The following VPS35L variants were observed in gnomAD, a reference collection of about 807,000 sequenced individuals.
The protein encoded by VPS35L is VPS35 endosomal protein sorting factor like.
A neutral mutation model predicts 133.0 loss-of-function variants in VPS35L; 83 were observed. The observed-to-expected ratio is 0.62, with a 90% CI of 0.52 to 0.75. The LOEUF (loss-of-function observed/expected upper bound fraction) is 0.75, where lower values mean the gene tolerates loss of function less well. Ranked by LOEUF, VPS35L falls within the 30% of genes least tolerant of loss-of-function variation. VPS35L has a pLI of 0.00. For synonymous variants in VPS35L, 423 were observed against 449.9 expected (o/e 0.94, Z 0.76); for missense variants, 1,083 against 1,206.8 (o/e 0.90, Z 1.52).
chr16:19,621,947 G>C (rs1441352431), intron 14 of VPS35L, among the ~76,000 whole-genome samples: 2 of 151,982 alleles, frequency 1.3e-5, no homozygotes, highest in African/African-American at 4.8e-5. Flanking sequence ...TGGTGGGCCA[G>C]GAGGTCTCAT....
At chr16:19,589,666 A>G (rs543718068) in intron 7 of VPS35L, among the ~76,000 whole-genome samples, 1 of 152,220 alleles carries the variant, frequency 6.6e-6, no homozygotes, top group African/African-American at 2.4e-5. Flanking sequence ...AGTAACTTCA[A>G]TTTATAAGAT....
At chr16:19,697,341 C>T (rs988688747) in intron 29 of VPS35L, among the ~76,000 whole-genome samples, 2 of 152,072 alleles carry the variant, frequency 1.3e-5, no homozygotes, top group Admixed American at 6.6e-5. Context: ...GAAGCTGTTC[C>T]TTGACTTTTT....
intron 27 of VPS35L, among the ~76,000 whole-genome samples, chr16:19,679,609 A>G (rs1184201148): frequency 6.6e-6 from 1 of 150,526 alleles, no homozygotes; most frequent in Non-Finnish European, 1.5e-5. Context: ...GGTTCAAGCA[A>G]TTCTCCTGCC....
At chr16:19,618,356 A>T (rs1369274999) in intron 14 of VPS35L, among the ~76,000 whole-genome samples, 1 of 152,198 alleles carries the variant, frequency 6.6e-6, no homozygotes, top group Non-Finnish European at 1.5e-5. Context: ...ACACACAGAG[A>T]TGCACACACG....
intron 1 of VPS35L, among the ~76,000 whole-genome samples, chr16:19,559,180 A>T (rs911240558): frequency 6.6e-6 from 1 of 152,236 alleles, no homozygotes; most frequent in Middle Eastern, 3.2e-3. Flanking sequence ...TATCCATATT[A>T]TCAGAGGTAA....
Position 19,696,460 on chromosome 16 carries a change from A to T in VPS35L, c.2647-3042A>T, listed in dbSNP as rs1975914930. On this transcript the variant is annotated intron_variant, in intron 29 of 30. Coordinates refer to ENST00000417362, the MANE Select transcript of VPS35L (RefSeq NM_020314.7). ...CACGTGAAGGTGCCAGCCTCATTTT[A>T]ATCACAAGCTGTATTTTATGAAGTT... Among the ~76,000 whole-genome samples, 8 of 152,280 alleles carry T rather than the reference A, an allele frequency of 5.3e-5. No homozygotes were observed. The South Asian group carries it at 1.5e-3, about 28-fold the overall frequency.
chr16:19,579,167 C>T, intron 6 of VPS35L, 39 bp downstream of exon 6: 1 of 1,579,390 alleles, frequency 6.3e-7, no homozygotes, highest in Non-Finnish European at 8.7e-7. Flanking sequence ...AGTGGGAGAG[C>T]TTTTCCTTCC....
intron 2 of VPS35L, 22 bp from the exon 3 acceptor site, chr16:19,569,402 C>T (rs751276255): frequency 2.5e-6 from 4 of 1,592,970 alleles, no homozygotes; most frequent in Non-Finnish European, 3.4e-6. Flanking sequence ...TTCCGTTTTA[C>T]CTCCAGAAAT....
intron 29 of VPS35L, chr16:19,693,916 T>A (rs1597445820): frequency 7.7e-6 from 1 of 129,408 alleles, no homozygotes; most frequent in Admixed American, 9.6e-5. Context: ...GCCACTGCAC[T>A]CCAGCCTAGG....
intron 1 of VPS35L, among the ~76,000 whole-genome samples, chr16:19,558,045 G>A (rs1970916464): frequency 6.6e-6 from 1 of 151,922 alleles, no homozygotes. Flanking sequence ...ACTCCAGCCT[G>A]AGCTACTAAG....
chr16:19,616,179 T>TA lies in VPS35L; in HGVS notation c.1090dup (p.Thr364AsnfsTer56), dbSNP rs1272450838. ...ATAAGAACTTTTTTGACTTCCTCCT[T>TA]ACGTTCAAACAGGTAAGAGAACACT... is the stretch of plus-strand genomic sequence containing the variant. On this transcript the variant is annotated frameshift_variant, in exon 13 of 31. Transcript: ENST00000417362. LOFTEE classifies it high-confidence loss of function. 2 of 1,611,096 alleles carry TA rather than the reference T, an allele frequency of 1.2e-6. No homozygotes were observed. The highest frequency in any genetic ancestry group is 1.7e-6 in the Non-Finnish European group (2 of 1,177,628).
intron 1 of VPS35L, among the ~76,000 whole-genome samples, chr16:19,562,699 C>T (rs1971064223): frequency 1.3e-5 from 2 of 152,060 alleles, no homozygotes; most frequent in South Asian, 2.1e-4. Context: ...AATGTAAAGA[C>T]AATCATTTAA....
chr16:19,634,628 G>C (rs1251009940), intron 19 of VPS35L, among the ~76,000 whole-genome samples: 3 of 152,292 alleles, frequency 2.0e-5, no homozygotes, highest in South Asian at 2.1e-4. Flanking sequence ...AAATGTGAAA[G>C]AAATGGTAGA....
chr16:19,575,993 TAAAAAAAAAA>T (rs768432545), intron 5 of VPS35L, among the ~76,000 whole-genome samples: 2 of 82,950 alleles, frequency 2.4e-5, no homozygotes, highest in African/African-American at 9.2e-5. Context: ...CCATCTCTAC[TAAAAAAAAAA>T]AAAAAAAAAA....
At chr16:19,583,719 CA>C (rs201288095) in intron 7 of VPS35L, among the ~76,000 whole-genome samples, 2,299 of 116,194 alleles carry the variant, frequency 0.02, 27 homozygotes, top group African/African-American at 0.06. Context: ...GAGATTGTCT[CA>C]AAAAAAAAAA....
At chr16:19,675,562 T>C (rs185604683) in intron 27 of VPS35L, among the ~76,000 whole-genome samples, 35 of 152,186 alleles carry the variant, frequency 2.3e-4, no homozygotes, top group African/African-American at 7.2e-4. Context: ...GTTTTTGTTT[T>C]GTTTTGTTTT....
intron 8 of VPS35L, among the ~76,000 whole-genome samples, chr16:19,596,557 G>T (rs147970928): frequency 7.2e-5 from 11 of 151,884 alleles, no homozygotes; most frequent in Admixed American, 1.3e-4. Flanking sequence ...TTATAGGCAT[G>T]AGTCACTGCA....
chr16:19,675,740 A>G (rs1201864087), intron 27 of VPS35L, among the ~76,000 whole-genome samples: 14 of 151,546 alleles, frequency 9.2e-5, no homozygotes, highest in East Asian at 2.0e-4. Context: ...AGTAGAGACA[A>G]TGTTTCACCA....
chr16:19,692,184 G>C (rs1975716237), intron 29 of VPS35L, among the ~76,000 whole-genome samples: 1 of 152,000 alleles, frequency 6.6e-6, no homozygotes, highest in South Asian at 2.1e-4. Context: ...CCTGGACCTG[G>C]TGAGTCTTGA....
Sources: allele counts gnomAD v4.1 joint callset (sites outside exome capture counted in the v4.1 genomes callset), GRCh38; gene constraint gnomAD v4.1.1; transcripts MANE v1.5; gene names NCBI Gene and HGNC (gene_info 2026-07-23, HGNC 2026-07-21).